The following IKZF5 variants were observed in gnomAD, a reference collection of about 807,000 sequenced individuals.
IKZF5 encodes IKAROS family zinc finger 5, also known as zinc finger protein Pegasus.
In IKZF5, 4 loss-of-function variants were observed where a neutral mutation model predicts 30.7. That is an observed-to-expected ratio of 0.13 (90% CI 0.06 to 0.30). IKZF5 has a LOEUF of 0.30. IKZF5 is among the 10% of genes least tolerant of loss of function. The pLI, the probability that IKZF5 is intolerant of heterozygous loss-of-function variation, is 1.00. For synonymous variants in IKZF5, 148 were observed against 179.6 expected, an observed-to-expected ratio of 0.82 and a Z score of 1.41; for missense variants, 348 against 525.5, an observed-to-expected ratio of 0.66 and a Z score of 3.30.
chr10:122,995,835 T>C (rs1388702538), intron 4 of IKZF5, among the ~76,000 whole-genome samples, 159 bp downstream of exon 4: 2 of 152,222 alleles, frequency 1.3e-5, no homozygotes, highest in East Asian at 3.9e-4. Flanking sequence ...TGTTGTTATG[T>C]TGTTGCTTTG....
At chr10:123,001,824 T>C (rs902374714) in intron 2 of IKZF5, among the ~76,000 whole-genome samples, 1 of 152,222 alleles carries the variant, frequency 6.6e-6, no homozygotes, top group African/African-American at 2.4e-5. Context: ...TTTTAAATAG[T>C]AGAACTGTAG....
chr10:122,999,716 G>T (rs1320361134), intron 2 of IKZF5, among the ~76,000 whole-genome samples: 2 of 152,168 alleles, frequency 1.3e-5, no homozygotes, highest in Admixed American at 6.5e-5. Flanking sequence ...AAATAAAAAA[G>T]TAAAAGAAAA....
In IKZF5 at chr10:122,992,749, T is replaced by C. The variant is rs1364317328; in HGVS notation, c.*1031A>G. 2 of 152,316 alleles carry C rather than the reference T, an allele frequency of 1.3e-5. No individual in the cohort carries two copies. Among genetic ancestry groups the C allele is most frequent in the East Asian group, 3.8e-4 (2 of 5,198 alleles). The allele number at this position is 152,316 out of a possible 1,614,324, so 9.4% of individuals were successfully genotyped here. ...ACAGAAAATATTTTAAATGGCTAAT[T>C]CTGAAGAGGAGACAAGAATCCATTT... On this transcript the variant is annotated 3_prime_UTR_variant, in exon 5 of 5. Transcript: ENST00000368886.
At chr10:123,001,110 C>T (rs541609825) in intron 2 of IKZF5, among the ~76,000 whole-genome samples, 79 of 151,730 alleles carry the variant, frequency 5.2e-4, no homozygotes, top group South Asian at 3.1e-3. Context: ...CCCAGGTTCA[C>T]GCCACCTGCC....
intron 4 of IKZF5, among the ~76,000 whole-genome samples, chr10:122,995,153 C>A (rs916253216): frequency 3.3e-5 from 5 of 151,698 alleles, no homozygotes; most frequent in African/African-American, 1.2e-4. Context: ...AAAAAAAATA[C>A]AAAAAAAGCT....
At position 122,991,182 on chromosome 10, in the gene IKZF5, T is replaced by C. The variant is rs1849151351; in HGVS notation, c.*2598A>G. On this transcript the variant is annotated 3_prime_UTR_variant, in exon 5 of 5. Transcript: ENST00000368886. ...TTTGCAGAAGAATGGCAAACACTTA[T>C]TTCTAAAATGAAATAGCCCTGGAAA... 1.3e-5 allele frequency: 2 copies of C among 152,180 alleles called. No homozygotes were observed. Among genetic ancestry groups the C allele is most frequent in the East Asian group, 1.9e-4 (1 of 5,200 alleles). The allele number at this position is 152,180 out of a possible 1,614,324, so 9.4% of individuals were successfully genotyped here.
chr10:122,999,236 TG>T (rs1230894158), intron 2 of IKZF5, among the ~76,000 whole-genome samples: 1 of 152,194 alleles, frequency 6.6e-6, no homozygotes, highest in African/African-American at 2.4e-5. Context: ...CCTACGCAGT[TG>T]CTACTAGCCA....
At chr10:123,005,096 C>T (rs1849733559) in intron 2 of IKZF5, among the ~76,000 whole-genome samples, 1 of 151,946 alleles carries the variant, frequency 6.6e-6, no homozygotes, top group Non-Finnish European at 1.5e-5. Flanking sequence ...CAAGACCAGT[C>T]CAGGCAACAG....
chr10:123,006,146 TC>T (rs1199306936), intron 2 of IKZF5, among the ~76,000 whole-genome samples: 3 of 152,132 alleles, frequency 2.0e-5, no homozygotes, highest in African/African-American at 7.2e-5. Context: ...ATCAATGCTT[TC>T]AGAAAACAAC....
At chr10:122,997,160 G>A (rs956016599) in intron 3 of IKZF5, 10 of 152,154 alleles carry the variant, frequency 6.6e-5, no homozygotes, top group African/African-American at 2.2e-4. Context: ...CAGGAAAATC[G>A]GCAAATGGCT....
chr10:123,002,552 C>T lies in IKZF5; in HGVS notation c.-46-3881G>A, dbSNP rs367872333. ...AAAAAAAAATTATTAGTGCCAGGCA[C>T]GGTGGCTCATATCTGTAATTCCAGC... On this transcript the variant is annotated intron_variant, in intron 2 of 4. Coordinates refer to ENST00000368886, the MANE Select transcript of IKZF5 (RefSeq NM_001372123.1). Among the ~76,000 whole-genome samples the T allele has an allele frequency of 6.0e-5, 9 of 149,544 alleles. No homozygotes were observed. In the East Asian group the frequency reaches 9.9e-4, roughly 16 times the overall value.
Position 122,994,073 on chromosome 10 carries a change from T to G in IKZF5, c.967A>C (p.Asn323His), listed in dbSNP as rs753123633. 1 of 1,614,132 alleles carries G rather than the reference T, an allele frequency of 6.2e-7. No individual in the cohort carries two copies. Among genetic ancestry groups the G allele is most frequent in the South Asian group, 1.1e-5 (1 of 91,082 alleles). The change falls in exon 5 of 5, where the codon AAC becomes CAC. Residue 323 changes from asparagine (N) to histidine (H), a missense_variant. Asn to His is a moderately conservative substitution (Grantham distance 68). Coordinates refer to ENST00000368886, the MANE Select transcript of IKZF5 (RefSeq NM_001372123.1). This position sits in a 1 kb window ranked among gnomAD's most constrained non-coding sequence, Gnocchi z 5.6. ...CTTGGACCTGCCACTGGACTATAGT[T>G]CCTTTGACTATGGGATGGCCGAGGT... ...PEPRPSHSQR[N>H]YSPVAGPSSE...
chr10:122,999,698 C>T (rs746089780), intron 2 of IKZF5, among the ~76,000 whole-genome samples: 2 of 152,178 alleles, frequency 1.3e-5, no homozygotes, highest in African/African-American at 2.4e-5. Flanking sequence ...CACTCCAAGA[C>T]TAGGGAAAAA....
intron 2 of IKZF5, among the ~76,000 whole-genome samples, chr10:123,000,862 T>C (rs1477377515): frequency 6.6e-6 from 1 of 152,238 alleles, no homozygotes; most frequent in African/African-American, 2.4e-5. Flanking sequence ...CCCTCTGTTG[T>C]ATAATGTCTG....
intron 2 of IKZF5, among the ~76,000 whole-genome samples, chr10:123,003,462 G>A (rs1490243671): frequency 6.6e-6 from 1 of 152,070 alleles, no homozygotes; most frequent in African/African-American, 2.4e-5. Context: ...AGATATGGAG[G>A]GACAACTTTA....
At position 122,994,935 on chromosome 10, in the gene IKZF5, G is replaced by C. The variant is rs1849307146; in HGVS notation, c.317-212C>G. 1 of 554,360 alleles carries C rather than the reference G, an allele frequency of 1.8e-6. No homozygotes were observed. The highest frequency in any genetic ancestry group is 2.4e-5 in the South Asian group (1 of 41,750). 34.3% of individuals were successfully genotyped at this position (554,360 alleles called of 1,614,324 possible). Reference sequence around the variant, plus strand: ...ACTCATCAGCAACAACCTGAAATATGCATTGATGTTGTATTAGTCAATACA... The same window carrying C: ...ACTCATCAGCAACAACCTGAAATATCCATTGATGTTGTATTAGTCAATACA... On this transcript the variant is annotated intron_variant, in intron 4 of 4. Coordinates refer to ENST00000368886, the MANE Select transcript of IKZF5 (RefSeq NM_001372123.1). The surrounding 1 kb of genome is among the most constrained non-coding windows in gnomAD (Gnocchi z 5.6).
At chr10:123,005,869 T>G (rs992630785) in intron 2 of IKZF5, among the ~76,000 whole-genome samples, 1 of 152,214 alleles carries the variant, frequency 6.6e-6, no homozygotes, top group African/African-American at 2.4e-5. Context: ...AACCACTCAG[T>G]CTATGGTAAT....
intron 2 of IKZF5, among the ~76,000 whole-genome samples, chr10:123,002,692 G>C (rs2133413553): frequency 6.6e-6 from 1 of 151,426 alleles, no homozygotes; most frequent in Admixed American, 6.6e-5. Context: ...AGGCGTGGTG[G>C]CAGAAGAATT....
At chr10:123,004,627 CT>C (rs1408810704) in intron 2 of IKZF5, among the ~76,000 whole-genome samples, 2 of 64,902 alleles carry the variant, frequency 3.1e-5, no homozygotes, top group Admixed American at 2.7e-4. Context: ...GCATGATAAA[CT>C]TAAAAAAAAA....
Sources: allele counts gnomAD v4.1 joint callset (sites outside exome capture counted in the v4.1 genomes callset), GRCh38; gene constraint gnomAD v4.1.1; non-coding constraint Gnocchi (gnomAD v3.1); transcripts MANE v1.5; gene names NCBI Gene and HGNC (gene_info 2026-07-23, HGNC 2026-07-21).